Variants in WDR70 observed in about 807,000 individuals in gnomAD.
WDR70 encodes WD repeat domain 70, also known as WD repeat-containing protein 70.
WDR70 carries 53 observed loss-of-function variants against 88.6 expected under a neutral mutation model. The observed-to-expected ratio is 0.60, with a 90% CI of 0.48 to 0.75. The LOEUF is 0.75. Ranked by LOEUF, WDR70 falls within the 30% of genes least tolerant of loss-of-function variation. The probability of loss-of-function intolerance (pLI) is 0.00; values close to 1 mark genes in which losing one functional copy is unlikely to be tolerated. For synonymous variants in WDR70, 280 were observed against 270.0 expected (o/e 1.04, Z -0.36); for missense variants, 610 against 823.2 (o/e 0.74, Z 3.17).
rs1385755397 is a variant in WDR70, at chr5:37,516,705, T to TTA, written c.917+120_917+121dup. 362 of 210,382 alleles carry TTA rather than the reference T, an allele frequency of 1.7e-3. 46 individuals are homozygous for TTA. The highest frequency in any genetic ancestry group is 3.7e-3 in the South Asian group (19 of 5,126). 13.0% of individuals were successfully genotyped at this position (210,382 alleles called of 1,614,324 possible). A position where few individuals can be genotyped will look rare whatever the true frequency, so the allele number is the denominator to read the frequency against. On this transcript the variant is annotated intron_variant, in intron 9 of 17. Coordinates refer to ENST00000265107, the MANE Select transcript of WDR70 (RefSeq NM_018034.4). ...GTAAGTGGAATATTAGGAATTCTTATTATATACATATATATATATATTTTT... is the reference window on the plus strand; with the variant it reads ...GTAAGTGGAATATTAGGAATTCTTATTATATATACATATATATATATATTTTT...
chr5:37,476,404 A>G (rs748326923), intron 7 of WDR70, among the ~76,000 whole-genome samples: 13 of 152,180 alleles, frequency 8.5e-5, no homozygotes, highest in East Asian at 3.8e-4. Flanking sequence ...ATCCCTGTCT[A>G]TATTCAAATT....
intron 9 of WDR70, among the ~76,000 whole-genome samples, chr5:37,526,116 C>T (rs188797029): frequency 1.6e-3 from 236 of 152,248 alleles, no homozygotes; most frequent in African/African-American, 5.2e-3. Context: ...AGAGGGAATC[C>T]TCCCTAACTC....
intron 10 of WDR70, among the ~76,000 whole-genome samples, chr5:37,612,124 G>T (rs1263024417): frequency 6.6e-6 from 1 of 152,006 alleles, no homozygotes. Flanking sequence ...TAGACAAAAA[G>T]AACTCTATTT....
intron 10 of WDR70, among the ~76,000 whole-genome samples, chr5:37,674,838 C>A (rs933687725): frequency 1.3e-5 from 2 of 151,714 alleles, no homozygotes; most frequent in African/African-American, 4.9e-5. Flanking sequence ...AACTAGTTTA[C>A]AGTCCCACCA....
intron 10 of WDR70, among the ~76,000 whole-genome samples, chr5:37,681,173 A>T (rs1258061200): frequency 6.6e-6 from 1 of 151,852 alleles, no homozygotes; most frequent in East Asian, 1.9e-4. Context: ...GGTTAGCTGT[A>T]TTTCTAGGTA....
At chr5:37,652,264 T>C (rs962805161) in intron 10 of WDR70, among the ~76,000 whole-genome samples, 1 of 152,230 alleles carries the variant, frequency 6.6e-6, no homozygotes, top group African/African-American at 2.4e-5. Flanking sequence ...TGTGGCATTA[T>C]CTCTGAGGCC....
intron 3 of WDR70, among the ~76,000 whole-genome samples, chr5:37,391,642 C>T (rs1748823115): frequency 6.6e-6 from 1 of 152,228 alleles, no homozygotes; most frequent in Non-Finnish European, 1.5e-5. Flanking sequence ...GGATATACCA[C>T]ATTTTGCTAA....
intron 7 of WDR70, among the ~76,000 whole-genome samples, chr5:37,449,747 T>C (rs1373474563): frequency 6.6e-6 from 1 of 152,070 alleles, no homozygotes; most frequent in Non-Finnish European, 1.5e-5. Context: ...TTCTTTATTA[T>C]TATTATTATT....
chr5:37,536,854 C>G (rs1402127285), intron 9 of WDR70, among the ~76,000 whole-genome samples: 1 of 151,222 alleles, frequency 6.6e-6, no homozygotes, highest in Non-Finnish European at 1.5e-5. Flanking sequence ...TTTTTTTCCT[C>G]TCTAGAGGAC....
chr5:37,426,345 AGTTT>A (rs946162100), intron 5 of WDR70, among the ~76,000 whole-genome samples: 1 of 152,240 alleles, frequency 6.6e-6, no homozygotes, highest in East Asian at 1.9e-4. Flanking sequence ...ATTACTTCAC[AGTTT>A]GTTTTTTTGC....
intron 10 of WDR70, among the ~76,000 whole-genome samples, chr5:37,625,983 T>A (rs1194112807): frequency 6.6e-6 from 1 of 151,528 alleles, no homozygotes; most frequent in Non-Finnish European, 1.5e-5. Flanking sequence ...TTTACTGAAT[T>A]CTGTTATGGG....
chr5:37,528,534 T>G (rs1375871860), intron 9 of WDR70, among the ~76,000 whole-genome samples: 2 of 152,030 alleles, frequency 1.3e-5, no homozygotes, highest in Non-Finnish European at 2.9e-5. Context: ...ATGTAAATGA[T>G]GAGTTAATGG....
At chr5:37,568,686 A>G (rs1389366140) in intron 9 of WDR70, among the ~76,000 whole-genome samples, 1 of 152,204 alleles carries the variant, frequency 6.6e-6, no homozygotes, top group East Asian at 1.9e-4. Context: ...GTACTGCTCA[A>G]GATAGATGCC....
chr5:37,687,055 A>T (rs776831213), intron 10 of WDR70, among the ~76,000 whole-genome samples: 1 of 152,106 alleles, frequency 6.6e-6, no homozygotes, highest in East Asian at 1.9e-4. Context: ...TAGGATGATT[A>T]TAACAGCAGT....
chr5:37,530,776 T>G (rs1037582018), intron 9 of WDR70, among the ~76,000 whole-genome samples: 2 of 151,192 alleles, frequency 1.3e-5, no homozygotes, highest in Non-Finnish European at 3.0e-5. Context: ...ATCTTTTGTT[T>G]TTTTTTTTTT....
intron 17 of WDR70, among the ~76,000 whole-genome samples, chr5:37,748,374 A>G (rs1472419859): frequency 6.6e-6 from 1 of 152,222 alleles, no homozygotes. Context: ...AGGATCTCCT[A>G]TTCAGTAAAT....
intron 10 of WDR70, among the ~76,000 whole-genome samples, chr5:37,618,945 GA>G (rs1744426082): frequency 6.6e-6 from 1 of 152,122 alleles, no homozygotes; most frequent in South Asian, 2.1e-4. Context: ...TTTGGATTCT[GA>G]AGATTTTTTG....
At chr5:37,525,165 A>G (rs1289183444) in intron 9 of WDR70, among the ~76,000 whole-genome samples, 1 of 150,014 alleles carries the variant, frequency 6.7e-6, no homozygotes, top group Non-Finnish European at 1.5e-5. Flanking sequence ...CCCCAAATCA[A>G]AAGAATATAC....
intron 10 of WDR70, among the ~76,000 whole-genome samples, chr5:37,653,095 T>C (rs1224174345): frequency 6.6e-6 from 1 of 152,218 alleles, no homozygotes; most frequent in East Asian, 1.9e-4. Flanking sequence ...ATAGCTCTTA[T>C]TATTTTGAGA....
Sources: gnomAD v4.1 joint callset for allele counts (sites outside exome capture counted in the v4.1 genomes callset) on GRCh38, gnomAD v4.1.1 for gene constraint, MANE v1.5 for transcripts, NCBI Gene and HGNC (gene_info 2026-07-23, HGNC 2026-07-21) for gene names.